The following ARMC9 variants were observed in gnomAD, a reference collection of about 807,000 sequenced individuals.
ARMC9 encodes the protein lisH domain-containing protein ARMC9.
A neutral mutation model predicts 107.0 loss-of-function variants in ARMC9; 94 were observed. The observed-to-expected ratio is 0.88, with a 90% CI of 0.74 to 1.04. ARMC9 has a LOEUF of 1.04. Among genes scored for constraint, ARMC9 ranks in the 50% least tolerant of loss-of-function variants. ARMC9 has a pLI of 0.00. For synonymous variants in ARMC9, 380 were observed against 396.9 expected, an observed-to-expected ratio of 0.96 and a Z score of 0.51; for missense variants, 942 against 1,030.1, an observed-to-expected ratio of 0.91 and a Z score of 1.17.
rs562261822 is a variant in ARMC9 at position 231,232,554 on chromosome 2, C to T, written c.623-2670C>T. Among the ~76,000 whole-genome samples, 392 of 151,434 alleles carry T rather than the reference C, an allele frequency of 2.6e-3. 3 individuals carry two copies. The highest frequency in any genetic ancestry group is 4.2e-3 in the Non-Finnish European group (288 of 67,912). ...GCAACCTCCACCTCCCAGGTTCAAG[C>T]GATTCTCCTGTGTCAGCCTCCCAAG... is the stretch of plus-strand genomic sequence containing the variant. On this transcript the variant is annotated intron_variant, in intron 7 of 24. Coordinates refer to ENST00000611582, the MANE Select transcript of ARMC9 (RefSeq NM_001352754.2).
At chr2:231,228,470 G>A (rs1012166298) in intron 7 of ARMC9, among the ~76,000 whole-genome samples, 5 of 152,194 alleles carry the variant, frequency 3.3e-5, no homozygotes, top group South Asian at 4.1e-4. Flanking sequence ...GAACACCTGC[G>A]TGGCCTTGTG....
At chr2:231,273,177 CT>C in intron 14 of ARMC9, 99 bp downstream of exon 14, 1 of 1,473,350 alleles carries the variant, frequency 6.8e-7, no homozygotes. Flanking sequence ...TTCCACTACA[CT>C]TTGGAGAGGT....
chr2:231,228,349 C>G (rs1441153491), intron 7 of ARMC9, among the ~76,000 whole-genome samples: 2 of 152,248 alleles, frequency 1.3e-5, no homozygotes, highest in Admixed American at 1.3e-4. Context: ...CTCAGCGTGT[C>G]TCTCAGGTGC....
intron 22 of ARMC9, 88 bp downstream of exon 22, chr2:231,356,022 G>A (rs550999826): frequency 1.7e-5 from 25 of 1,441,468 alleles, no homozygotes; most frequent in South Asian, 5.6e-5. Context: ...GCAGACGCAC[G>A]TCTGCTCCTG....
chr2:231,282,045 TC>T lies in ARMC9; in HGVS notation c.1552-12del, dbSNP rs2040255619. 1.2e-6 allele frequency: 2 copies of T among 1,613,648 alleles called. No homozygotes were observed. Among genetic ancestry groups the T allele is most frequent in the Middle Eastern group, 1.7e-4 (1 of 6,058 alleles). On this transcript the variant is annotated splice_polypyrimidine_tract_variant and intron_variant, in intron 16 of 24. Coordinates refer to ENST00000611582, the MANE Select transcript of ARMC9 (RefSeq NM_001352754.2). ...AAAACTTGCAAATAACTGGTTTTTT[TC>T]CTCCCCTTAAAGATACAGCCGTATG... is the stretch of plus-strand genomic sequence containing the variant.
At chr2:231,340,830 G>A (rs1486235027) in intron 20 of ARMC9, among the ~76,000 whole-genome samples, 1 of 152,198 alleles carries the variant, frequency 6.6e-6, no homozygotes, top group Non-Finnish European at 1.5e-5. Flanking sequence ...GGAGGTTGCA[G>A]TGAGCCAAGA....
intron 12 of ARMC9, among the ~76,000 whole-genome samples, chr2:231,270,278 T>A (rs923672849): frequency 6.6e-6 from 1 of 152,218 alleles, no homozygotes; most frequent in Admixed American, 6.5e-5. Context: ...CTGCCTGGTG[T>A]CCCAGATCCA....
chr2:231,206,312 A>G, intron 2 of ARMC9, 23 bp downstream of exon 2: 1 of 1,597,068 alleles, frequency 6.3e-7, no homozygotes, highest in African/African-American at 1.3e-5. Context: ...TACAAAGCAG[A>G]GGTCACAGAG....
chr2:231,214,731 G>A (rs2033300623), intron 3 of ARMC9, 100 bp from the exon 4 acceptor site: 2 of 1,255,842 alleles, frequency 1.6e-6, no homozygotes, highest in African/African-American at 3.0e-5. Context: ...CTTTACCACT[G>A]AAAAGGAGTA....
intron 12 of ARMC9, among the ~76,000 whole-genome samples, chr2:231,265,607 T>G (rs1200859573): frequency 6.6e-6 from 1 of 152,104 alleles, no homozygotes; most frequent in African/African-American, 2.4e-5. Flanking sequence ...CTGTATCCAC[T>G]GGGTGCACTG....
intron 19 of ARMC9, among the ~76,000 whole-genome samples, chr2:231,300,802 A>G (rs2041673594): frequency 6.6e-6 from 1 of 152,218 alleles, no homozygotes; most frequent in Admixed American, 6.5e-5. Flanking sequence ...AGATTCATAA[A>G]GGTGATAGAC....
chr2:231,287,553 T>C (rs79683921), intron 17 of ARMC9, among the ~76,000 whole-genome samples: 24 of 152,172 alleles, frequency 1.6e-4, no homozygotes, highest in African/African-American at 5.8e-4. Flanking sequence ...TTGCTTTGCT[T>C]TGCTCTCCTT....
intron 12 of ARMC9, among the ~76,000 whole-genome samples, chr2:231,267,280 G>T (rs1001738756): frequency 2.0e-5 from 3 of 152,116 alleles, no homozygotes; most frequent in African/African-American, 4.8e-5. Flanking sequence ...ACCCAGGCTG[G>T]GGTGCAGTGG....
chr2:231,323,267 G>C (rs570477695), intron 19 of ARMC9, among the ~76,000 whole-genome samples: 1 of 152,260 alleles, frequency 6.6e-6, no homozygotes, highest in African/African-American at 2.4e-5. Flanking sequence ...GGCATTCTCA[G>C]AGGGTGCCTC....
chr2:231,256,686 T>G, intron 10 of ARMC9, 66 bp downstream of exon 10: 1 of 1,548,328 alleles, frequency 6.5e-7, no homozygotes, highest in East Asian at 2.2e-5. Flanking sequence ...GAATTCAAAG[T>G]GTCTTTAATA....
Position 231,297,046 on chromosome 2 carries a change from G to A in ARMC9, c.1773+793G>A, listed in dbSNP as rs1254742172. On this transcript the variant is annotated intron_variant, in intron 19 of 24. Transcript: ENST00000611582. The surrounding 1 kb of genome is among the most constrained non-coding windows in gnomAD (Gnocchi z 4.2). Reference sequence around the variant, plus strand: ...AGGATGTTTTTTTGTTTGGAGTCGTGGCCTATCAGCTTGTAAAATGTGTAA... The same window carrying A: ...AGGATGTTTTTTTGTTTGGAGTCGTAGCCTATCAGCTTGTAAAATGTGTAA... 6.6e-6 allele frequency among the ~76,000 whole-genome samples: 1 copy of A among 152,136 alleles called. No homozygotes were observed. The highest frequency in any genetic ancestry group is 6.5e-5 in the Admixed American group (1 of 15,278).
chr2:231,242,241 A>C (rs2036368704), intron 9 of ARMC9, among the ~76,000 whole-genome samples: 1 of 151,500 alleles, frequency 6.6e-6, no homozygotes, highest in South Asian at 2.1e-4. Context: ...TTGGGTCAGC[A>C]GTTTGTATGG....
At chr2:231,331,227 C>T (rs956241467) in intron 19 of ARMC9, among the ~76,000 whole-genome samples, 1 of 152,218 alleles carries the variant, frequency 6.6e-6, no homozygotes, top group African/African-American at 2.4e-5. Context: ...ATCTCTCCAT[C>T]TTTCAGAGTC....
intron 12 of ARMC9, chr2:231,270,773 T>G (rs1366169638): frequency 1.5e-6 from 1 of 682,218 alleles, no homozygotes; most frequent in Non-Finnish European, 2.7e-6. Flanking sequence ...ATTCATTTAA[T>G]TTGGAAGTCT....
Sources: allele counts gnomAD v4.1 joint callset (sites outside exome capture counted in the v4.1 genomes callset), GRCh38; gene constraint gnomAD v4.1.1; non-coding constraint Gnocchi (gnomAD v3.1); transcripts MANE v1.5; gene names NCBI Gene and HGNC (gene_info 2026-07-23, HGNC 2026-07-21).